Variants in ROBO2 observed in about 807,000 individuals in gnomAD.
The protein encoded by ROBO2 is roundabout guidance receptor 2, also known as roundabout homolog 2.
ROBO2 carries 53 observed loss-of-function variants against 160.8 expected under a neutral mutation model. The observed-to-expected ratio is 0.33, with a 90% confidence interval of 0.26 to 0.41. ROBO2 has a LOEUF of 0.41. ROBO2 is among the 10% of genes least tolerant of loss of function. ROBO2 has a pLI of 1.00. For missense variants in ROBO2, 1,577 were observed against 1,722.4 expected (o/e 0.92, Z 1.49); for synonymous variants, 664 against 611.7 (o/e 1.09, Z -1.26).
At chr3:75,917,981 T>G (rs1037102818) in intron 1 of ROBO2, among the ~76,000 whole-genome samples, 3 of 152,228 alleles carry the variant, frequency 2.0e-5, no homozygotes, top group African/African-American at 4.8e-5. Flanking sequence ...TATTTTGTAG[T>G]TTGCCTGTTC....
rs112468061 is a variant in ROBO2 at position 76,538,369 on chromosome 3, C to G, written c.110-559645C>G. 9.1e-3 allele frequency among the ~76,000 whole-genome samples: 1,390 copies of G among 152,212 alleles called. 20 individuals carry two copies. The highest frequency in any genetic ancestry group is 0.031 in the African/African-American group (1,300 of 41,522). On this transcript the variant is annotated intron_variant, in intron 2 of 26. Transcript: ENST00000487694. ...ATTATAACTTCTACAAAGAAGTTGT[C>G]TTTAAAATTTTTGATCCAGACTTAT...
chr3:77,456,173 C>T (rs2081619066), intron 2 of ROBO2, among the ~76,000 whole-genome samples: 1 of 152,040 alleles, frequency 6.6e-6, no homozygotes, highest in African/African-American at 2.4e-5. Context: ...TAGTAAAAAG[C>T]AATAATGTTG....
chr3:76,947,122 A>G (rs13058966), intron 2 of ROBO2, among the ~76,000 whole-genome samples: 25,209 of 152,148 alleles, frequency 0.17, 2,521 homozygotes, highest in Non-Finnish European at 0.23. Context: ...CTTCTTTTAC[A>G]TGTACATTCA....
intron 2 of ROBO2, among the ~76,000 whole-genome samples, chr3:76,477,606 G>A (rs1038656516): frequency 6.6e-6 from 1 of 151,934 alleles, no homozygotes; most frequent in African/African-American, 2.4e-5. Flanking sequence ...TTAATAACAT[G>A]TCCATTTTTA....
At chr3:77,560,068 T>C (rs992073333) in intron 9 of ROBO2, among the ~76,000 whole-genome samples, 35 of 152,256 alleles carry the variant, frequency 2.3e-4, no homozygotes, top group African/African-American at 8.2e-4. Flanking sequence ...ATTTTCACTG[T>C]ATCACTGAAT....
rs768750709 is a variant in ROBO2 at position 77,098,291 on chromosome 3, G to T, written c.339G>T (p.Arg113Ser). 2.5e-6 allele frequency: 4 copies of T among 1,614,226 alleles called. No individual in the cohort carries two copies. Among genetic ancestry groups the T allele is most frequent in the Middle Eastern group, 1.6e-4 (1 of 6,062 alleles). ...AAGGAAGCTACGTTTGTGTTGCGAG[G>T]AACTATCTTGGTGAAGCAGTGAGTC... Residue 113 changes from arginine (R) to serine (S), a missense_variant, in exon 2 of 26, where the codon AGG becomes AGT. Around this residue, in one of 2 missense-constraint regions of ROBO2, gnomAD observed 940 missense variants for 1,135.5 expected, o/e 0.83. Transcript: ENST00000461745.
At chr3:76,211,866 G>T (rs537415551) in intron 2 of ROBO2, among the ~76,000 whole-genome samples, 70 of 151,852 alleles carry the variant, frequency 4.6e-4, no homozygotes, top group Non-Finnish European at 8.7e-4. Flanking sequence ...TTGCAAATTA[G>T]CTGGATTTAG....
intron 2 of ROBO2, among the ~76,000 whole-genome samples, chr3:76,004,386 C>T (rs946068650): frequency 5.3e-5 from 8 of 151,940 alleles, no homozygotes; most frequent in Admixed American, 2.0e-4. Context: ...AGTTTGGGGG[C>T]GAGGATTGAT....
At chr3:76,988,704 AGT>A (rs2060513988) in intron 2 of ROBO2, among the ~76,000 whole-genome samples, 1 of 152,034 alleles carries the variant, frequency 6.6e-6, no homozygotes, top group Non-Finnish European at 1.5e-5. Flanking sequence ...TCTTTGTTTC[AGT>A]AGAACTGAGA....
At chr3:75,942,082 T>G (rs1370632890) in intron 2 of ROBO2, among the ~76,000 whole-genome samples, 1 of 152,154 alleles carries the variant, frequency 6.6e-6, no homozygotes, top group Non-Finnish European at 1.5e-5. Flanking sequence ...TTTAAGTGAT[T>G]GTATAATTCT....
intron 2 of ROBO2, among the ~76,000 whole-genome samples, chr3:76,545,818 A>G (rs1015392978): frequency 6.6e-6 from 1 of 151,870 alleles, no homozygotes; most frequent in Non-Finnish European, 1.5e-5. Flanking sequence ...TCTATCTAAC[A>G]TATTGTTAAT....
At chr3:75,991,657 A>C (rs777951353) in intron 2 of ROBO2, among the ~76,000 whole-genome samples, 4 of 152,104 alleles carry the variant, frequency 2.6e-5, no homozygotes, top group Admixed American at 6.6e-5. Context: ...TGTTGCTGAA[A>C]AGATACCCCA....
At chr3:76,638,264 A>G (rs1459609722) in intron 2 of ROBO2, among the ~76,000 whole-genome samples, 1 of 152,226 alleles carries the variant, frequency 6.6e-6, no homozygotes, top group Non-Finnish European at 1.5e-5. Flanking sequence ...CAGTCCTATC[A>G]TTAGCCTTGA....
intron 24 of ROBO2, 33 bp downstream of exon 25, chr3:77,635,076 C>G: frequency 6.2e-7 from 1 of 1,606,742 alleles, no homozygotes; most frequent in East Asian, 2.2e-5. Context: ...TGTTTCCTCG[C>G]TGAAGAGACG....
chr3:76,761,643 ATACTCT>A (rs1372543442), intron 2 of ROBO2, among the ~76,000 whole-genome samples: 3 of 151,730 alleles, frequency 2.0e-5, no homozygotes, highest in Admixed American at 6.6e-5. Flanking sequence ...TAAATGAGTA[ATACTCT>A]TAAGAGATTT....
chr3:76,524,672 A>T (rs1577884637), intron 2 of ROBO2, among the ~76,000 whole-genome samples: 1 of 151,568 alleles, frequency 6.6e-6, no homozygotes, highest in East Asian at 1.9e-4. Context: ...TGATCCATTA[A>T]AACAATGTAT....
At chr3:76,678,899 A>G (rs1171768966) in intron 2 of ROBO2, among the ~76,000 whole-genome samples, 1 of 152,206 alleles carries the variant, frequency 6.6e-6, no homozygotes, top group African/African-American at 2.4e-5. Context: ...CCCTTAAAAT[A>G]TAGAAATATA....
chr3:77,123,275 G>A (rs912547871), intron 2 of ROBO2, among the ~76,000 whole-genome samples: 2 of 152,050 alleles, frequency 1.3e-5, no homozygotes, highest in South Asian at 2.1e-4. Flanking sequence ...AGCTATAAAA[G>A]GAACCAGACC....
intron 2 of ROBO2, among the ~76,000 whole-genome samples, chr3:76,899,560 A>G (rs948077810): frequency 6.6e-6 from 1 of 152,182 alleles, no homozygotes; most frequent in African/African-American, 2.4e-5. Context: ...TTCTTTTCAT[A>G]GAAAGGATAA....
Sources: allele counts gnomAD v4.1 joint callset (sites outside exome capture counted in the v4.1 genomes callset), GRCh38; gene constraint gnomAD v4.1.1; regional missense constraint gnomAD v4.1.1; transcripts MANE v1.5; gene names NCBI Gene and HGNC (gene_info 2026-07-23, HGNC 2026-07-21).